Variants in GNA12 observed in about 807,000 individuals in gnomAD.
GNA12 encodes the protein G protein subunit alpha 12.
GNA12 carries 9 observed loss-of-function variants against 26.0 expected under a neutral mutation model. The observed-to-expected ratio is 0.35, with a 90% CI of 0.21 to 0.60. The LOEUF (loss-of-function observed/expected upper bound fraction) is 0.60, where lower values mean the gene tolerates loss of function less well. Among genes scored for constraint, GNA12 ranks in the 20% least tolerant of loss-of-function variants. GNA12 has a pLI of 0.78. For synonymous variants in GNA12, 264 were observed against 219.6 expected (o/e 1.20, Z -1.79); for missense variants, 405 against 525.8 (o/e 0.77, Z 2.25).
chr7:2,751,096 C>T (rs1298063616), intron 2 of GNA12, among the ~76,000 whole-genome samples: 3 of 152,064 alleles, frequency 2.0e-5, no homozygotes, highest in Non-Finnish European at 4.4e-5. Flanking sequence ...GCTTTACATG[C>T]TTATATTAGG....
chr7:2,837,111 G>C (rs1489978644), intron 1 of GNA12, among the ~76,000 whole-genome samples: 1 of 151,680 alleles, frequency 6.6e-6, no homozygotes, highest in Non-Finnish European at 1.5e-5. Flanking sequence ...CCCATTCTCT[G>C]CCTGGAAGAA....
intron 1 of GNA12, among the ~76,000 whole-genome samples, chr7:2,825,229 G>A (rs1793457227): frequency 6.6e-6 from 1 of 152,188 alleles, no homozygotes; most frequent in Non-Finnish European, 1.5e-5. Context: ...CTGGGGCGTG[G>A]GAGGGGAGAA....
intron 3 of GNA12, among the ~76,000 whole-genome samples, chr7:2,732,048 A>T (rs1407287282): frequency 2.0e-5 from 3 of 152,164 alleles, no homozygotes; most frequent in Non-Finnish European, 4.4e-5. Flanking sequence ...GAAATTTACC[A>T]TCTTTTTTGT....
chr7:2,829,367 G>T (rs1793551684), intron 1 of GNA12, among the ~76,000 whole-genome samples: 1 of 152,212 alleles, frequency 6.6e-6, no homozygotes, highest in African/African-American at 2.4e-5. Context: ...AATGCCTGAA[G>T]GAGTCCAGTG....
chr7:2,814,121 G>A (rs1235807069), intron 1 of GNA12, among the ~76,000 whole-genome samples: 3 of 152,082 alleles, frequency 2.0e-5, no homozygotes, highest in Non-Finnish European at 2.9e-5. Context: ...ATCACGCCTC[G>A]GGCTTCCCTG....
chr7:2,835,085 C>T (rs1401393481), intron 1 of GNA12, among the ~76,000 whole-genome samples: 2 of 152,188 alleles, frequency 1.3e-5, no homozygotes, highest in Non-Finnish European at 2.9e-5. Flanking sequence ...GTCTATATAA[C>T]AAGGAACCTT....
At chr7:2,822,425 T>C (rs774610498) in intron 1 of GNA12, among the ~76,000 whole-genome samples, 18 of 152,224 alleles carry the variant, frequency 1.2e-4, no homozygotes, top group Non-Finnish European at 2.1e-4. Flanking sequence ...ACATATCTTA[T>C]GGAAGTCCCC....
In GNA12 at chr7:2,807,805, A is replaced by G. The variant is rs1792984340; in HGVS notation, c.310-12662T>C. On this transcript the variant is annotated intron_variant, in intron 1 of 3. Coordinates refer to ENST00000275364, the MANE Select transcript of GNA12 (RefSeq NM_007353.3). ...CACTTGGACATGGCAATAATTAAATATCAGCATCAGGCAGCCTCACTAAAC... is the reference window on the plus strand; with the variant it reads ...CACTTGGACATGGCAATAATTAAATGTCAGCATCAGGCAGCCTCACTAAAC... Among the ~76,000 whole-genome samples, 2 of 152,218 alleles carry G rather than the reference A, an allele frequency of 1.3e-5. 1 individual carries two copies. Among genetic ancestry groups the G allele is most frequent in the South Asian group, 4.1e-4 (2 of 4,832 alleles).
chr7:2,748,663 A>T (rs1790882073), intron 2 of GNA12, among the ~76,000 whole-genome samples: 1 of 152,230 alleles, frequency 6.6e-6, no homozygotes, highest in African/African-American at 2.4e-5. Flanking sequence ...GACAAATGGG[A>T]TCTAATTAAA....
intron 1 of GNA12, among the ~76,000 whole-genome samples, chr7:2,805,012 C>T (rs1194369763): frequency 6.6e-6 from 1 of 152,178 alleles, no homozygotes; most frequent in Admixed American, 6.5e-5. Context: ...TGGTGGCACC[C>T]CCAGGCAGTG....
At chr7:2,784,989 G>A (rs924728602) in intron 2 of GNA12, among the ~76,000 whole-genome samples, 5 of 152,122 alleles carry the variant, frequency 3.3e-5, no homozygotes, top group Admixed American at 3.3e-4. Flanking sequence ...CTGGCTTAAG[G>A]ATCTATGTTA....
intron 2 of GNA12, among the ~76,000 whole-genome samples, chr7:2,739,433 G>A (rs920073438): frequency 2.0e-5 from 3 of 152,088 alleles, no homozygotes; most frequent in African/African-American, 7.2e-5. Flanking sequence ...TCCGAGGCTC[G>A]CCCATGCTGT....
intron 1 of GNA12, among the ~76,000 whole-genome samples, chr7:2,842,802 T>C (rs1460704657): frequency 2.0e-5 from 3 of 152,216 alleles, no homozygotes; most frequent in South Asian, 4.1e-4. Context: ...TGTTTTTACA[T>C]GGAGGCCTCA....
chr7:2,741,023 C>T (rs369801216), intron 2 of GNA12, among the ~76,000 whole-genome samples: 13 of 151,916 alleles, frequency 8.6e-5, no homozygotes, highest in African/African-American at 1.5e-4. Context: ...CCTGCCTGGG[C>T]GACAGAGCGA....
intron 2 of GNA12, among the ~76,000 whole-genome samples, chr7:2,774,160 T>G (rs1173819539): frequency 6.6e-6 from 1 of 152,072 alleles, no homozygotes; most frequent in Non-Finnish European, 1.5e-5. Flanking sequence ...GGTCATTGTT[T>G]CCTGAGCTGG....
chr7:2,748,339 C>T (rs1214257148), intron 2 of GNA12, among the ~76,000 whole-genome samples: 1 of 151,936 alleles, frequency 6.6e-6, no homozygotes, highest in African/African-American at 2.4e-5. Context: ...AGAACAGAGC[C>T]CTCAGAAATA....
intron 2 of GNA12, among the ~76,000 whole-genome samples, chr7:2,756,930 C>A (rs571741575): frequency 4.0e-5 from 6 of 151,882 alleles, no homozygotes; most frequent in Non-Finnish European, 8.8e-5. Context: ...AAAAAGTAGC[C>A]GGGTGTGGTG....
At chr7:2,799,172 A>G (rs1792749526) in intron 1 of GNA12, among the ~76,000 whole-genome samples, 1 of 152,242 alleles carries the variant, frequency 6.6e-6, no homozygotes, top group Non-Finnish European at 1.5e-5. Context: ...TTGCTCCGCC[A>G]AAGACCCTCT....
intron 2 of GNA12, among the ~76,000 whole-genome samples, chr7:2,788,334 G>C (rs992023841): frequency 6.6e-6 from 1 of 152,070 alleles, no homozygotes; most frequent in African/African-American, 2.4e-5. Flanking sequence ...AGGTAACTGT[G>C]TTCCCGTTCA....
Sources: gnomAD v4.1 joint callset for allele counts (sites outside exome capture counted in the v4.1 genomes callset) on GRCh38, gnomAD v4.1.1 for gene constraint, MANE v1.5 for transcripts, NCBI Gene and HGNC (gene_info 2026-07-23, HGNC 2026-07-21) for gene names.